INPP5D: variants seen among roughly 807,000 people sequenced by gnomAD.
INPP5D encodes inositol polyphosphate-5-phosphatase D.
Under a neutral mutation model 122.9 loss-of-function variants are expected in INPP5D, and 33 were observed. The observed-to-expected ratio is 0.27, with a 90% CI of 0.20 to 0.36. The LOEUF (loss-of-function observed/expected upper bound fraction) is 0.36, where lower values mean the gene tolerates loss of function less well. Among genes scored for constraint, INPP5D ranks in the 10% least tolerant of loss-of-function variants. The pLI is 1.00. For missense variants in INPP5D, 1,053 were observed against 1,412.7 expected, an observed-to-expected ratio of 0.75 and a Z score of 4.08; for synonymous variants, 584 against 576.2, an observed-to-expected ratio of 1.01 and a Z score of -0.19.
At chr2:233,205,527 A>G (rs1695476845) in intron 26 of INPP5D, 2 of 150,258 alleles carry the variant, frequency 1.3e-5, no homozygotes, top group African/African-American at 2.4e-5. Context: ...ATGCCTGGCT[A>G]ATTTTTGTAT....
At chr2:233,061,194 C>T (rs1691062993) in intron 1 of INPP5D, among the ~76,000 whole-genome samples, 1 of 152,090 alleles carries the variant, frequency 6.6e-6, no homozygotes, top group Non-Finnish European at 1.5e-5. Flanking sequence ...CTTCTCTCTC[C>T]TGAGCACTTG....
At position 233,195,201 on chromosome 2, in the gene INPP5D, C is replaced by T. The variant is rs75044050; in HGVS notation, c.2597-198C>T. Reference sequence around the variant, plus strand: ...GGCAACTCTGGATCCCAACTCTCCTCTCTGTGGATCCACTGCAGGCATAAC... The same window carrying T: ...GGCAACTCTGGATCCCAACTCTCCTTTCTGTGGATCCACTGCAGGCATAAC... On this transcript the variant is annotated intron_variant, in intron 23 of 26. Transcript: ENST00000445964. 6.2e-4 allele frequency among the ~76,000 whole-genome samples: 93 copies of T among 151,148 alleles called. 1 individual carries two copies. The highest frequency in any genetic ancestry group is 2.1e-3 in the African/African-American group (88 of 41,260).
intron 9 of INPP5D, among the ~76,000 whole-genome samples, chr2:233,155,674 A>G (rs1046211399): frequency 6.6e-6 from 1 of 151,252 alleles, no homozygotes; most frequent in Non-Finnish European, 1.5e-5. Flanking sequence ...AATAAATAAG[A>G]CGAGTTCAGG....
intron 6 of INPP5D, chr2:233,141,429 T>A (rs1234104859): frequency 2.0e-5 from 3 of 151,882 alleles, no homozygotes; most frequent in African/African-American, 7.3e-5. Context: ...TAGCCAGGTG[T>A]GGTGGCGGGC....
intron 1 of INPP5D, among the ~76,000 whole-genome samples, chr2:233,069,344 T>C (rs1691315904): frequency 6.6e-6 from 1 of 152,128 alleles, no homozygotes; most frequent in East Asian, 1.9e-4. Context: ...GTCCTGTTCT[T>C]TAGAGTCACT....
intron 20 of INPP5D, 106 bp from the exon 21 acceptor site, chr2:233,185,737 A>T (rs1032493581): frequency 1.1e-4 from 103 of 950,888 alleles, no homozygotes; most frequent in East Asian, 1.5e-4. Context: ...AAAAAAAAAA[A>T]GGAGAGAGCA....
intron 1 of INPP5D, among the ~76,000 whole-genome samples, chr2:233,075,150 AC>A (rs1168779484): frequency 2.0e-5 from 3 of 152,214 alleles, no homozygotes; most frequent in Admixed American, 1.3e-4. Flanking sequence ...TGTGGGAGTC[AC>A]ATGGGAAATT....
chr2:233,126,558 C>T (rs190811057), intron 4 of INPP5D, among the ~76,000 whole-genome samples: 7 of 152,200 alleles, frequency 4.6e-5, no homozygotes, highest in East Asian at 3.9e-4. Flanking sequence ...ATCAAATAGC[C>T]GAATATCCAG....
At chr2:233,116,709 G>A (rs1400384623) in intron 2 of INPP5D, among the ~76,000 whole-genome samples, 3 of 151,868 alleles carry the variant, frequency 2.0e-5, no homozygotes, top group Admixed American at 6.6e-5. Context: ...CGATTCTCCC[G>A]CCTCAGCCTC....
chr2:233,074,314 C>T (rs1403541528), intron 1 of INPP5D, among the ~76,000 whole-genome samples: 1 of 152,134 alleles, frequency 6.6e-6, no homozygotes, highest in African/African-American at 2.4e-5. Flanking sequence ...CTTTGAGTAG[C>T]TGTCAGACGA....
At chr2:233,077,327 T>C (rs934937779) in intron 1 of INPP5D, among the ~76,000 whole-genome samples, 4 of 152,194 alleles carry the variant, frequency 2.6e-5, no homozygotes, top group Admixed American at 6.5e-5. Context: ...TCTTTCTGTA[T>C]GGATTTCATT....
chr2:233,194,018 C>A, intron 23 of INPP5D, 57 bp downstream of exon 23: 2 of 1,500,694 alleles, frequency 1.3e-6, no homozygotes, highest in East Asian at 2.4e-5. Flanking sequence ...GGGACGGGAA[C>A]GTGCTTTCTC....
At chr2:233,130,430 T>C (rs923074081) in intron 4 of INPP5D, 78 bp from the exon 5 acceptor site, 19 of 1,471,392 alleles carry the variant, frequency 1.3e-5, no homozygotes, top group Non-Finnish European at 1.7e-5. Flanking sequence ...GATTTGTTAT[T>C]GTGGTTGCTG....
At chr2:233,067,179 G>A (rs550811356) in intron 1 of INPP5D, among the ~76,000 whole-genome samples, 1 of 152,300 alleles carries the variant, frequency 6.6e-6, no homozygotes, top group African/African-American at 2.4e-5. Context: ...GAAAAGAAAA[G>A]AAACCCTGTA....
Position 233,198,173 on chromosome 2 carries a change from A to G in INPP5D, c.2772A>G (p.Pro924=). The change falls in exon 25 of 27, where the codon CCA becomes CCG. Residue 924 remains proline, a synonymous_variant. Coordinates refer to ENST00000445964, the MANE Select transcript of INPP5D (RefSeq NM_001017915.3). ...TGGGAGTGGGGCCCTTTGGGCCACC[A>G]ATGCCCCTGCACGTGAAGCAGACCT... The part of the protein sequence containing the change: ...NYMGVGPFGP[P]MPLHVKQTLS... 6.2e-7 allele frequency: 1 copy of G among 1,613,528 alleles called. No individual in the cohort carries two copies. The highest frequency in any genetic ancestry group is 8.5e-7 in the Non-Finnish European group (1 of 1,179,868).
chr2:233,169,479 A>G, intron 14 of INPP5D, 78 bp downstream of exon 14: 1 of 1,541,476 alleles, frequency 6.5e-7, no homozygotes, highest in Non-Finnish European at 8.8e-7. Context: ...AAGCACCAGA[A>G]GGACCTGCTC....
intron 17 of INPP5D, among the ~76,000 whole-genome samples, chr2:233,172,409 G>A (rs946808391): frequency 3.9e-5 from 6 of 152,192 alleles, no homozygotes; most frequent in Admixed American, 3.3e-4. Flanking sequence ...GGATGAGGAC[G>A]CGGCAGGGGC....
chr2:233,064,664 G>A (rs938027800), intron 1 of INPP5D, among the ~76,000 whole-genome samples: 1 of 152,204 alleles, frequency 6.6e-6, no homozygotes, highest in African/African-American at 2.4e-5. Flanking sequence ...AAAAGGGCCA[G>A]GATTGCATGC....
At chr2:233,153,514 C>A (rs1693975803) in intron 9 of INPP5D, among the ~76,000 whole-genome samples, 1 of 152,054 alleles carries the variant, frequency 6.6e-6, no homozygotes. Flanking sequence ...CTTGTAGGAA[C>A]CAAAAAACGA....
Sources: allele counts gnomAD v4.1 joint callset (sites outside exome capture counted in the v4.1 genomes callset), GRCh38; gene constraint gnomAD v4.1.1; transcripts MANE v1.5; gene names NCBI Gene and HGNC (gene_info 2026-07-23, HGNC 2026-07-21).